The following NBEA variants were observed in gnomAD, a reference collection of about 807,000 sequenced individuals.
NBEA encodes the protein neurobeachin.
Under a neutral mutation model 343.4 loss-of-function variants are expected in NBEA, and 44 were observed. The observed-to-expected ratio is 0.13, with a 90% CI of 0.10 to 0.16. NBEA has a LOEUF of 0.16. Among genes scored for constraint, NBEA ranks in the 10% least tolerant of loss-of-function variants. NBEA has a pLI of 1.00. For missense variants in NBEA, 2,555 were observed against 3,631.3 expected, an observed-to-expected ratio of 0.70 and a Z score of 7.62; for synonymous variants, 1,175 against 1,238.7, an observed-to-expected ratio of 0.95 and a Z score of 1.08.
At chr13:35,217,219 G>A (rs2074113247) in intron 33 of NBEA, among the ~76,000 whole-genome samples, 1 of 151,530 alleles carries the variant, frequency 6.6e-6, no homozygotes, top group African/African-American at 2.4e-5. Flanking sequence ...TTTTTTAATT[G>A]GATCACTGTT....
chr13:35,594,988 CACAA>C (rs200573676), intron 47 of NBEA, among the ~76,000 whole-genome samples: 2,129 of 147,130 alleles, frequency 0.014, 31 homozygotes, highest in African/African-American at 0.037. Flanking sequence ...CACACACACA[CACAA>C]ATTGGCTTTT....
chr13:35,376,996 A>G (rs1285348734), intron 38 of NBEA, among the ~76,000 whole-genome samples: 1 of 152,146 alleles, frequency 6.6e-6, no homozygotes, highest in Non-Finnish European at 1.5e-5. Context: ...TGAAAAGCCT[A>G]TTATAGTTAC....
chr13:35,669,033 C>T (rs1425857463), intron 58 of NBEA, among the ~76,000 whole-genome samples: 1 of 152,174 alleles, frequency 6.6e-6, no homozygotes, highest in Non-Finnish European at 1.5e-5. Flanking sequence ...ACCTGTTTCT[C>T]ATTTATGTTA....
intron 33 of NBEA, among the ~76,000 whole-genome samples, chr13:35,222,559 A>T (rs1315218950): frequency 1.3e-5 from 2 of 151,702 alleles, no homozygotes; most frequent in Non-Finnish European, 2.9e-5. Context: ...TTAATGGAGT[A>T]TTTTTTTTAT....
intron 31 of NBEA, 50 bp downstream of exon 31, chr13:35,196,352 T>C: frequency 4.1e-6 from 6 of 1,472,814 alleles, no homozygotes; most frequent in Non-Finnish European, 5.5e-6. Context: ...AAAGGAAAAT[T>C]AGACTTTGTT....
At chr13:35,220,887 C>A (rs2074325331) in intron 33 of NBEA, among the ~76,000 whole-genome samples, 1 of 152,118 alleles carries the variant, frequency 6.6e-6, no homozygotes, top group African/African-American at 2.4e-5. Context: ...TCTTACCTAT[C>A]TATATCCTTT....
chr13:34,990,490 C>T (rs1321220283), intron 1 of NBEA, among the ~76,000 whole-genome samples: 1 of 151,076 alleles, frequency 6.6e-6, no homozygotes, highest in Non-Finnish European at 1.5e-5. Flanking sequence ...CTTTTAGCCA[C>T]AGCCACAGCT....
chr13:35,419,636 G>A (rs1237804392), intron 38 of NBEA, among the ~76,000 whole-genome samples: 3 of 152,008 alleles, frequency 2.0e-5, no homozygotes, highest in South Asian at 4.1e-4. Flanking sequence ...CAGGAGTTTT[G>A]TGAATCTGTA....
intron 38 of NBEA, among the ~76,000 whole-genome samples, chr13:35,400,323 C>T (rs1237541256): frequency 5.3e-5 from 8 of 151,082 alleles, no homozygotes; most frequent in Non-Finnish European, 1.5e-5. Context: ...AGCCTCCTTT[C>T]CTTATCTATG....
intron 38 of NBEA, among the ~76,000 whole-genome samples, chr13:35,394,999 T>A (rs376693338): frequency 6.6e-6 from 1 of 152,174 alleles, no homozygotes; most frequent in African/African-American, 2.4e-5. Context: ...AAATTTCTTT[T>A]GTAACCCATG....
At chr13:35,418,088 G>A (rs2044045254) in intron 38 of NBEA, among the ~76,000 whole-genome samples, 1 of 151,968 alleles carries the variant, frequency 6.6e-6, no homozygotes, top group African/African-American at 2.4e-5. Flanking sequence ...TTTTCCATTT[G>A]CTTGGTAGAT....
intron 1 of NBEA, among the ~76,000 whole-genome samples, chr13:35,037,537 C>A (rs1164133575): frequency 6.6e-6 from 1 of 152,068 alleles, no homozygotes; most frequent in Admixed American, 6.6e-5. Context: ...TTATAGCCAC[C>A]CTTCTTGGGA....
intron 38 of NBEA, among the ~76,000 whole-genome samples, chr13:35,361,906 A>G (rs889964467): frequency 6.6e-6 from 1 of 152,044 alleles, no homozygotes; most frequent in Non-Finnish European, 1.5e-5. Flanking sequence ...GGATTTAACT[A>G]GAAAGTAGCC....
Position 35,513,207 on chromosome 13 carries a change from G to C in NBEA, c.6586-37270G>C, listed in dbSNP as rs867311219. On this transcript the variant is annotated intron_variant, in intron 41 of 58. Transcript: ENST00000379939. Reference sequence around the variant, plus strand: ...GCTGGAATGCAGTGGCGCAACCTCGGCTCGCTGCAACCTCCACCTCCCAGG... The same window carrying C: ...GCTGGAATGCAGTGGCGCAACCTCGCCTCGCTGCAACCTCCACCTCCCAGG... Among the ~76,000 whole-genome samples the C allele has an allele frequency of 2.2e-4, 33 of 149,908 alleles. No homozygotes were observed. The South Asian group carries it at 3.0e-3, about 14-fold the overall frequency.
chr13:35,120,865 T>C (rs761187289), intron 16 of NBEA, among the ~76,000 whole-genome samples: 1 of 152,238 alleles, frequency 6.6e-6, no homozygotes, highest in African/African-American at 2.4e-5. Context: ...ATATTACAAG[T>C]AAACATTAAT....
chr13:35,652,899 T>C (rs2084626085), intron 53 of NBEA, among the ~76,000 whole-genome samples: 1 of 150,314 alleles, frequency 6.7e-6, no homozygotes, highest in South Asian at 2.1e-4. Context: ...TTTCACCGTG[T>C]TAGCCAGGAT....
chr13:35,308,460 A>ATATG (rs1555361021), intron 35 of NBEA, among the ~76,000 whole-genome samples: 21 of 112,116 alleles, frequency 1.9e-4, no homozygotes, highest in Non-Finnish European at 2.9e-4. Context: ...ATATATATAT[A>ATATG]TATATATATA....
Position 35,606,527 on chromosome 13 carries a change from T to A in NBEA, c.7398T>A (p.Asp2466Glu). The A allele has an allele frequency of 6.2e-7, 1 of 1,608,160 alleles. No homozygotes were observed. Among genetic ancestry groups the A allele is most frequent in the African/African-American group, 1.3e-5 (1 of 74,986 alleles). ...REDEVVVNDV[D>E]LPPWAKKPED... is the part of the protein sequence containing the mutation. ...ATGAAGTAGTGGTAAATGATGTTGA[T>A]CTTCCCCCTTGGGCAAAAAAACCTG... The change falls in exon 48 of 59, where the codon GAT (aspartate) becomes GAA (glutamate). Residue 2466 changes from aspartate (D) to glutamate (E), a missense_variant. By Grantham distance (45) the Asp-to-Glu change is conservative. Transcript: ENST00000379939.
In NBEA at chr13:35,277,204, A is replaced by G. The variant is rs574436144; in HGVS notation, c.5777-13185A>G. 2.6e-5 allele frequency among the ~76,000 whole-genome samples: 4 copies of G among 152,314 alleles called. No individual in the cohort carries two copies. The East Asian group carries it at 7.7e-4, about 29-fold the overall frequency. On this transcript the variant is annotated intron_variant, in intron 34 of 58. Transcript: ENST00000379939. ...AAATTTGGTAAAGTAAAAATACAGTACATACACAAAAAAACCAAGGTGGAT... is the reference window on the plus strand; with the variant it reads ...AAATTTGGTAAAGTAAAAATACAGTGCATACACAAAAAAACCAAGGTGGAT...
Sources: gnomAD v4.1 joint callset for allele counts (sites outside exome capture counted in the v4.1 genomes callset) on GRCh38, gnomAD v4.1.1 for gene constraint, MANE v1.5 for transcripts, NCBI Gene and HGNC (gene_info 2026-07-23, HGNC 2026-07-21) for gene names.